ICA1: variants seen among roughly 807,000 people sequenced by gnomAD.
The protein encoded by ICA1 is 69 kDa islet cell autoantigen.
In ICA1, 40 loss-of-function variants were observed where a neutral mutation model predicts 71.0. That is an observed-to-expected ratio of 0.56 (90% confidence interval 0.44 to 0.73). ICA1 has a LOEUF of 0.73. Ranked by LOEUF, ICA1 falls within the 30% of genes least tolerant of loss-of-function variation. The probability of loss-of-function intolerance (pLI) is 0.00; values close to 1 mark genes in which losing one functional copy is unlikely to be tolerated. For missense variants in ICA1, 578 were observed against 576.5 expected (o/e 1.00, Z -0.03); for synonymous variants, 207 against 209.5 (o/e 0.99, Z 0.10).
At chr7:8,259,644 A>C (rs981073506) in intron 1 of ICA1, among the ~76,000 whole-genome samples, 10 of 152,310 alleles carry the variant, frequency 6.6e-5, no homozygotes, top group Middle Eastern at 3.4e-3. Flanking sequence ...AAAGGTGGAT[A>C]TTCCTGTTCT....
intron 6 of ICA1, among the ~76,000 whole-genome samples, chr7:8,189,453 C>T (rs767637913): frequency 2.0e-5 from 3 of 152,224 alleles, no homozygotes; most frequent in African/African-American, 4.8e-5. Context: ...TTCGCCTCCT[C>T]GCTCTGCTAG....
chr7:8,217,428 T>C (rs1304896362), intron 6 of ICA1, among the ~76,000 whole-genome samples: 1 of 152,214 alleles, frequency 6.6e-6, no homozygotes, highest in Non-Finnish European at 1.5e-5. Context: ...TTTGTAGCTC[T>C]GCAATAATGT....
chr7:8,208,100 C>A (rs1233477624), intron 6 of ICA1, among the ~76,000 whole-genome samples: 3 of 152,176 alleles, frequency 2.0e-5, no homozygotes, highest in African/African-American at 7.2e-5. Context: ...TAACACAGAA[C>A]ACAAGTTTTT....
chr7:8,198,758 G>C (rs1263837235), intron 6 of ICA1, among the ~76,000 whole-genome samples: 1 of 152,158 alleles, frequency 6.6e-6, no homozygotes, highest in Non-Finnish European at 1.5e-5. Context: ...TCCAGCCTCA[G>C]TGACAATAAA....
At chr7:8,242,515 C>T (rs1804339598) in intron 1 of ICA1, among the ~76,000 whole-genome samples, 1 of 152,156 alleles carries the variant, frequency 6.6e-6, no homozygotes, top group Admixed American at 6.5e-5. Flanking sequence ...ACTAGAGAAG[C>T]AAGAGCAAAC....
intron 1 of ICA1, among the ~76,000 whole-genome samples, chr7:8,248,373 C>T (rs897405592): frequency 8.6e-5 from 13 of 152,012 alleles, no homozygotes; most frequent in Admixed American, 4.6e-4. Context: ...ATTGTCATTA[C>T]CTTAGAGCTC....
chr7:8,114,593 G>A (rs1461831914), intron 13 of ICA1, among the ~76,000 whole-genome samples: 2 of 152,144 alleles, frequency 1.3e-5, no homozygotes, highest in African/African-American at 4.8e-5. Flanking sequence ...TAAAAGGAGG[G>A]CCCTGACATG....
intron 6 of ICA1, among the ~76,000 whole-genome samples, chr7:8,214,304 G>A (rs898198645): frequency 3.3e-5 from 5 of 152,222 alleles, no homozygotes; most frequent in African/African-American, 9.6e-5. Context: ...TTCAGCTGAT[G>A]TAATCTGCTA....
Position 8,234,365 on chromosome 7 carries a change from C to T in ICA1, c.17+1545G>A, listed in dbSNP as rs1801185011. On this transcript the variant is annotated intron_variant, in intron 2 of 13. Coordinates refer to ENST00000402384, the MANE Select transcript of ICA1 (RefSeq NM_001136020.3). The surrounding 1 kb of genome is among the most constrained non-coding windows in gnomAD (Gnocchi z 4.5). The stretch of plus-strand genomic sequence containing the variant: ...TCCCTCCCCTTGCTTCGTCCACATC[C>T]TCTTTGGACCTAGAGTCCCTGCCCC... Among the ~76,000 whole-genome samples, 1 of 152,198 alleles carries T rather than the reference C, an allele frequency of 6.6e-6. No homozygotes were observed. Among genetic ancestry groups the T allele is most frequent in the Non-Finnish European group, 1.5e-5 (1 of 68,046 alleles).
intron 13 of ICA1, among the ~76,000 whole-genome samples, chr7:8,120,273 C>T (rs779471182): frequency 3.9e-5 from 6 of 152,118 alleles, no homozygotes; most frequent in South Asian, 2.1e-4. Context: ...TGACTACATG[C>T]GCATGAAGAG....
chr7:8,120,307 C>T (rs928579653), intron 13 of ICA1, among the ~76,000 whole-genome samples: 2 of 152,094 alleles, frequency 1.3e-5, no homozygotes, highest in Non-Finnish European at 2.9e-5. Context: ...TCTATGACAC[C>T]GACTATTTAT....
intron 1 of ICA1, among the ~76,000 whole-genome samples, chr7:8,256,649 G>A (rs1381321872): frequency 6.6e-6 from 1 of 152,122 alleles, no homozygotes; most frequent in African/African-American, 2.4e-5. Context: ...AGAGTTAACT[G>A]CTCCATACTG....
In ICA1 at chr7:8,220,079, AT is replaced by A. The variant is rs1796584918; in HGVS notation, c.380+1195del. On this transcript the variant is annotated intron_variant, in intron 5 of 13. Transcript: ENST00000402384. ...AATTTTCACTTTTTGGTTTGTCTCT[AT>A]TTTAAAATTTTTCTAGAATGAATAT... Among the ~76,000 whole-genome samples, 3 of 152,214 alleles carry A rather than the reference AT, an allele frequency of 2.0e-5. No homozygotes were observed. In the South Asian group the frequency reaches 6.2e-4, roughly 31 times the overall value.
intron 1 of ICA1, among the ~76,000 whole-genome samples, chr7:8,260,437 G>A (rs547137830): frequency 6.6e-6 from 1 of 152,128 alleles, no homozygotes; most frequent in African/African-American, 2.4e-5. Flanking sequence ...AGTATCTTTA[G>A]CACTCAATGA....
chr7:8,247,888 A>G (rs79556967), intron 1 of ICA1, among the ~76,000 whole-genome samples: 7,052 of 152,276 alleles, frequency 0.046, 508 homozygotes, highest in African/African-American at 0.16. Flanking sequence ...ATCAGTAGTC[A>G]TTCCACTATA....
At chr7:8,142,631 A>T (rs1795614081) in intron 9 of ICA1, among the ~76,000 whole-genome samples, 1 of 152,264 alleles carries the variant, frequency 6.6e-6, no homozygotes, top group Admixed American at 6.5e-5. Context: ...GTAAGTGGGC[A>T]GCCCCTTAAC....
At chr7:8,148,742 T>A (rs1301883798) in intron 8 of ICA1, among the ~76,000 whole-genome samples, 2 of 152,088 alleles carry the variant, frequency 1.3e-5, no homozygotes, top group Non-Finnish European at 2.9e-5. Flanking sequence ...AGCTAAATAC[T>A]CTTTGATATA....
intron 9 of ICA1, 117 bp from the exon 10 acceptor site, chr7:8,141,934 C>CAT (rs397696640): frequency 3.2e-5 from 44 of 1,366,552 alleles, no homozygotes; most frequent in South Asian, 6.4e-5. Context: ...ACCACACACA[C>CAT]GCACACGAAG....
chr7:8,117,258 T>G (rs1306316430), intron 13 of ICA1, among the ~76,000 whole-genome samples: 1 of 152,234 alleles, frequency 6.6e-6, no homozygotes, highest in African/African-American at 2.4e-5. Flanking sequence ...TGGGCAGTTC[T>G]TTATATTAAT....
Sources: allele counts gnomAD v4.1 joint callset (sites outside exome capture counted in the v4.1 genomes callset), GRCh38; gene constraint gnomAD v4.1.1; non-coding constraint Gnocchi (gnomAD v3.1); transcripts MANE v1.5; gene names NCBI Gene and HGNC (gene_info 2026-07-23, HGNC 2026-07-21).